The following MAP2K4 variants were observed in gnomAD, a reference collection of about 807,000 sequenced individuals.
MAP2K4 encodes the protein dual specificity mitogen-activated protein kinase kinase 4.
Under a neutral mutation model 48.5 loss-of-function variants are expected in MAP2K4, and 4 were observed. The observed-to-expected ratio is 0.08, with a 90% confidence interval of 0.04 to 0.19. The LOEUF is 0.19. MAP2K4 is among the 10% of genes least tolerant of loss of function. The pLI, the probability that MAP2K4 is intolerant of heterozygous loss-of-function variation, is 1.00. For missense variants in MAP2K4, 258 were observed against 493.3 expected (o/e 0.52, Z 4.52); for synonymous variants, 166 against 173.1 (o/e 0.96, Z 0.32).
At chr17:12,056,017 A>G (rs1004392046) in intron 2 of MAP2K4, among the ~76,000 whole-genome samples, 1 of 152,096 alleles carries the variant, frequency 6.6e-6, no homozygotes, top group Non-Finnish European at 1.5e-5. Context: ...AGTAGGGGCT[A>G]TCTTGAGGAA....
At chr17:12,026,226 G>A (rs1468322588) in intron 1 of MAP2K4, among the ~76,000 whole-genome samples, 1 of 152,132 alleles carries the variant, frequency 6.6e-6, no homozygotes, top group Non-Finnish European at 1.5e-5. Context: ...TTTAAGATGG[G>A]ATATTAGTTA....
chr17:12,116,252 A>G (rs144927119), intron 7 of MAP2K4, among the ~76,000 whole-genome samples: 1 of 152,274 alleles, frequency 6.6e-6, no homozygotes, highest in African/African-American at 2.4e-5. Flanking sequence ...AATATGGTAT[A>G]AAAAATAAAG....
chr17:12,025,993 C>T (rs1276482161), intron 1 of MAP2K4, among the ~76,000 whole-genome samples: 1 of 152,166 alleles, frequency 6.6e-6, no homozygotes, highest in Admixed American at 6.5e-5. Flanking sequence ...TGTTGCATAA[C>T]ATTTCTTTTA....
rs1013426671 is a variant in MAP2K4, at chr17:12,020,898, G to A, written c.12G>A (p.Pro4=). 23 of 1,183,210 alleles carry A rather than the reference G, an allele frequency of 1.9e-5. No individual in the cohort carries two copies. The African/African-American group carries it at 2.1e-4, about 11-fold the overall frequency. 73.3% of individuals were successfully genotyped at this position (1,183,210 alleles called of 1,614,324 possible). A position where few individuals can be genotyped will look rare whatever the true frequency, so the allele number is the denominator to read the frequency against. MAA[P]SPSGGGGSGG... is the part of the protein sequence containing the mutation. ...CTTCACTCCCAACAATGGCGGCTCC[G>A]AGCCCGAGCGGCGGCGGCGGCTCCG... Residue 4 remains proline, a synonymous_variant, in exon 1 of 11, where the codon CCG becomes CCA. Coordinates refer to ENST00000353533, the MANE Select transcript of MAP2K4 (RefSeq NM_003010.4).
intron 2 of MAP2K4, among the ~76,000 whole-genome samples, chr17:12,057,458 C>T (rs1233145435): frequency 6.6e-6 from 1 of 152,042 alleles, no homozygotes; most frequent in Non-Finnish European, 1.5e-5. Context: ...TCACTGGAAT[C>T]TTTTAGCCTG....
chr17:12,056,028 G>A (rs1414341587), intron 2 of MAP2K4, among the ~76,000 whole-genome samples: 1 of 151,988 alleles, frequency 6.6e-6, no homozygotes, highest in Non-Finnish European at 1.5e-5. Context: ...TCTTGAGGAA[G>A]GAAACTTAGT....
intron 1 of MAP2K4, among the ~76,000 whole-genome samples, chr17:12,030,193 AGACT>A (rs1210875622): frequency 6.6e-6 from 1 of 152,202 alleles, no homozygotes; most frequent in African/African-American, 2.4e-5. Flanking sequence ...AGATTTAGAC[AGACT>A]AACTAAAAAC....
At chr17:12,086,826 T>TTTTTGTTTTG (rs61021597) in intron 3 of MAP2K4, among the ~76,000 whole-genome samples, 2,858 of 150,248 alleles carry the variant, frequency 0.019, 105 homozygotes, top group African/African-American at 0.065. Context: ...AAAAACCTGT[T>TTTTTGTTTTG]TTTTGTTTTG....
chr17:12,113,415 G>A, intron 7 of MAP2K4, 55 bp downstream of exon 7: 1 of 1,581,276 alleles, frequency 6.3e-7, no homozygotes, highest in Non-Finnish European at 8.6e-7. Flanking sequence ...GAGAGCCTGT[G>A]CTCTTTTGTG....
intron 2 of MAP2K4, among the ~76,000 whole-genome samples, chr17:12,055,328 T>A (rs182084281): frequency 6.6e-6 from 1 of 152,278 alleles, no homozygotes; most frequent in Non-Finnish European, 1.5e-5. Flanking sequence ...TTTCATTTAC[T>A]GAATTTTTAA....
At chr17:12,069,743 A>G (rs992193735) in intron 2 of MAP2K4, 1 of 1,098,210 alleles carries the variant, frequency 9.1e-7, no homozygotes, top group Non-Finnish European at 1.1e-6. Flanking sequence ...TTACTGTGGA[A>G]ATTTCCGGAA....
chr17:12,049,805 G>A (rs1970076527), intron 1 of MAP2K4, among the ~76,000 whole-genome samples: 1 of 152,180 alleles, frequency 6.6e-6, no homozygotes, highest in Non-Finnish European at 1.5e-5. Context: ...ATTTATGGAA[G>A]GAGCAGCAAG....
At chr17:12,124,366 T>C (rs1972784741) in intron 7 of MAP2K4, 1 of 152,212 alleles carries the variant, frequency 6.6e-6, no homozygotes, top group African/African-American at 2.4e-5. Flanking sequence ...TTCACAGAAA[T>C]TACTAAAAAT....
chr17:12,069,930 T>TATATATAC (rs1970743244), intron 2 of MAP2K4: 1 of 101,340 alleles, frequency 9.9e-6, no homozygotes, highest in Non-Finnish European at 1.8e-5. Flanking sequence ...TATATATATA[T>TATATATAC]ATATATATAT....
rs565214167 is a variant in MAP2K4, at chr17:12,030,385, C to G, written c.115+9384C>G. Among the ~76,000 whole-genome samples, 20 of 152,202 alleles carry G rather than the reference C, an allele frequency of 1.3e-4. No homozygotes were observed. The South Asian group carries it at 3.7e-3, about 28-fold the overall frequency. On this transcript the variant is annotated intron_variant, in intron 1 of 10. Transcript: ENST00000353533. ...GATGTTTGGATGAGACCCCAGAATT[C>G]GTTCACCTGGTCACTTCATAATTAG...
At chr17:12,092,933 GA>G (rs1971610796) in intron 3 of MAP2K4, among the ~76,000 whole-genome samples, 1 of 152,174 alleles carries the variant, frequency 6.6e-6, no homozygotes, top group African/African-American at 2.4e-5. Context: ...GGCTGAGGCA[GA>G]AGAATGGCAT....
rs565279983 is a variant in MAP2K4, at chr17:12,133,743, C to T, written c.1040+4456C>T. Among the ~76,000 whole-genome samples the T allele has an allele frequency of 1.1e-4, 17 of 152,250 alleles. No homozygotes were observed. In the South Asian group the frequency reaches 2.7e-3, roughly 24 times the overall value. ...ATGGATTGCCTAATCCAAAATTTAT[C>T]GTGTGCAGAGGGGAATATAAAAAGT... is the stretch of plus-strand genomic sequence containing the variant. On this transcript the variant is annotated intron_variant, in intron 9 of 10. Coordinates refer to ENST00000353533, the MANE Select transcript of MAP2K4 (RefSeq NM_003010.4).
chr17:12,115,962 T>A (rs995899389), intron 7 of MAP2K4: 1 of 426,304 alleles, frequency 2.3e-6, no homozygotes, highest in African/African-American at 2.0e-5. Flanking sequence ...GTGAACTCTT[T>A]TCTCGTTCTT....
At chr17:12,094,695 T>G (rs1374980867) in intron 3 of MAP2K4, among the ~76,000 whole-genome samples, 1 of 151,742 alleles carries the variant, frequency 6.6e-6, no homozygotes, top group Non-Finnish European at 1.5e-5. Flanking sequence ...CCAACACCTC[T>G]GTGTTCTATA....
Sources: allele counts gnomAD v4.1 joint callset (sites outside exome capture counted in the v4.1 genomes callset), GRCh38; gene constraint gnomAD v4.1.1; transcripts MANE v1.5; gene names NCBI Gene and HGNC (gene_info 2026-07-23, HGNC 2026-07-21).